Variants in ZNF608 observed in about 807,000 individuals in gnomAD.
ZNF608 encodes the protein renal carcinoma antigen NY-REN-36.
A neutral mutation model predicts 109.0 loss-of-function variants in ZNF608; 12 were observed. The ratio of observed to expected loss-of-function variants is 0.11; its 90% CI spans 0.07 to 0.18. The LOEUF (loss-of-function observed/expected upper bound fraction) is 0.18, where lower values mean the gene tolerates loss of function less well. Among genes scored for constraint, ZNF608 ranks in the 10% least tolerant of loss-of-function variants. The pLI is 1.00. For synonymous variants in ZNF608, 732 were observed against 717.4 expected, an observed-to-expected ratio of 1.02 and a Z score of -0.33; for missense variants, 1,707 against 1,879.3, an observed-to-expected ratio of 0.91 and a Z score of 1.70.
intron 3 of ZNF608, among the ~76,000 whole-genome samples, chr5:124,669,298 C>T (rs886557787): frequency 1.6e-4 from 25 of 152,136 alleles, no homozygotes; most frequent in African/African-American, 5.8e-4. Flanking sequence ...TTCATTTTAT[C>T]ACAAGGCTTA....
intron 2 of ZNF608, among the ~76,000 whole-genome samples, chr5:124,724,788 G>T (rs1754073510): frequency 6.6e-6 from 1 of 152,014 alleles, no homozygotes; most frequent in Non-Finnish European, 1.5e-5. Context: ...AATTCACACG[G>T]GGTAACATCA....
chr5:124,707,386 C>G (rs2149859646), intron 2 of ZNF608, among the ~76,000 whole-genome samples: 1 of 152,278 alleles, frequency 6.6e-6, no homozygotes, highest in African/African-American at 2.4e-5. Flanking sequence ...GGTCTAAACC[C>G]TGACAGGGAA....
chr5:124,690,943 ACACAC>A (rs746764200), intron 3 of ZNF608, among the ~76,000 whole-genome samples: 1 of 113,012 alleles, frequency 8.8e-6, no homozygotes, highest in African/African-American at 3.0e-5. Flanking sequence ...ACACACACAC[ACACAC>A]ACACACATAA....
At chr5:124,693,048 T>G (rs1011199767) in intron 3 of ZNF608, among the ~76,000 whole-genome samples, 14 of 152,106 alleles carry the variant, frequency 9.2e-5, no homozygotes, top group Non-Finnish European at 1.5e-5. Flanking sequence ...TCCTCTAGGG[T>G]GATAAAAAAT....
At chr5:124,650,998 C>T (rs1167941339) in intron 3 of ZNF608, among the ~76,000 whole-genome samples, 1 of 152,178 alleles carries the variant, frequency 6.6e-6, no homozygotes, top group Non-Finnish European at 1.5e-5. Context: ...TTTCCAAAGT[C>T]TCAAAAGGAG....
At chr5:124,660,193 T>A (rs4532360) in intron 3 of ZNF608, among the ~76,000 whole-genome samples, 46,831 of 128,608 alleles carry the variant, frequency 0.36, 7,956 homozygotes, top group East Asian at 0.47. Context: ...TGTGTGTGTG[T>A]GAGAGAGAGA....
chr5:124,650,567 C>T (rs1423853695), intron 3 of ZNF608, among the ~76,000 whole-genome samples: 2 of 152,206 alleles, frequency 1.3e-5, no homozygotes, highest in Non-Finnish European at 2.9e-5. Flanking sequence ...AATTACTAAA[C>T]TTAAGTGTGC....
chr5:124,705,332 G>A (rs909323173), intron 2 of ZNF608, among the ~76,000 whole-genome samples: 2 of 152,196 alleles, frequency 1.3e-5, no homozygotes, highest in Non-Finnish European at 2.9e-5. Flanking sequence ...GACCCTGTCA[G>A]TACTTGCTGT....
chr5:124,731,135 A>G (rs1254299751), intron 2 of ZNF608, among the ~76,000 whole-genome samples: 4 of 152,242 alleles, frequency 2.6e-5, no homozygotes, highest in Non-Finnish European at 5.9e-5. Flanking sequence ...TACTGGTAAG[A>G]CATGATTTTT....
intron 3 of ZNF608, among the ~76,000 whole-genome samples, chr5:124,654,999 T>A (rs926520275): frequency 2.0e-5 from 3 of 152,174 alleles, no homozygotes; most frequent in Admixed American, 6.5e-5. Flanking sequence ...AGGAGCAGTG[T>A]CTGCACCCAC....
intron 2 of ZNF608, among the ~76,000 whole-genome samples, chr5:124,730,767 C>T (rs998934226): frequency 6.6e-6 from 1 of 152,064 alleles, no homozygotes; most frequent in Admixed American, 6.5e-5. Flanking sequence ...GAGACAAGAA[C>T]TCTTGTTAAT....
intron 2 of ZNF608, among the ~76,000 whole-genome samples, chr5:124,728,500 C>G (rs930480529): frequency 6.6e-6 from 1 of 152,124 alleles, no homozygotes; most frequent in African/African-American, 2.4e-5. Context: ...CAGGAAGCAC[C>G]TTCTCTTGAC....
rs1554086973 is a variant in ZNF608 at position 124,683,037 on chromosome 5, T to C, written c.1162+17977A>G. ...CTGTCTCTCTCTCTCTCTCTCTCTC[T>C]CCCCCTCTCTATCTGATCTTGCTGG... On this transcript the variant is annotated intron_variant, in intron 3 of 9. Coordinates refer to ENST00000513986, the MANE Select transcript of ZNF608 (RefSeq NM_020747.3). Among the ~76,000 whole-genome samples the C allele has an allele frequency of 2.1e-5, 3 of 141,506 alleles. No homozygotes were observed. The East Asian group carries it at 6.2e-4, about 29-fold the overall frequency. The allele number at this position is 141,506 out of a possible 152,430, so 92.8% of individuals were successfully genotyped here.
At chr5:124,721,745 G>A (rs1223344546) in intron 2 of ZNF608, among the ~76,000 whole-genome samples, 1 of 151,552 alleles carries the variant, frequency 6.6e-6, no homozygotes, top group Non-Finnish European at 1.5e-5. Context: ...AGACCAGCCT[G>A]GCCAACATGG....
intron 3 of ZNF608, among the ~76,000 whole-genome samples, chr5:124,677,114 A>C (rs1751978799): frequency 6.6e-6 from 1 of 152,200 alleles, no homozygotes. Context: ...GTTTAATAAG[A>C]CAAGATTTTA....
At chr5:124,703,246 G>A (rs1034650732) in intron 2 of ZNF608, among the ~76,000 whole-genome samples, 1 of 152,108 alleles carries the variant, frequency 6.6e-6, no homozygotes, top group African/African-American at 2.4e-5. Context: ...TTAATACCAA[G>A]AGAACAAACG....
intron 3 of ZNF608, among the ~76,000 whole-genome samples, chr5:124,667,288 T>A (rs1307080220): frequency 2.0e-5 from 3 of 152,184 alleles, no homozygotes; most frequent in Non-Finnish European, 4.4e-5. Flanking sequence ...ACAAAGCATT[T>A]ATACATAAAG....
In ZNF608 at chr5:124,646,799, G is replaced by C. The variant is rs754289207; in HGVS notation, c.3585C>G (p.Ala1195=). Residue 1195 remains alanine, a synonymous_variant, in exon 5 of 10, where the codon GCC becomes GCG. Transcript: ENST00000513986. The part of the protein sequence containing the change: ...LLSNHQQQLQ[A]DSFKAKQMEN... Reference sequence around the variant, plus strand: ...CCATCTGCTTAGCTTTGAAGCTGTCGGCCTGAAGCTGCTGCTGGTGATTGG... The same window carrying C: ...CCATCTGCTTAGCTTTGAAGCTGTCCGCCTGAAGCTGCTGCTGGTGATTGG... The C allele has an allele frequency of 6.2e-7, 1 of 1,614,184 alleles. No homozygotes were observed. The highest frequency in any genetic ancestry group is 8.5e-7 in the Non-Finnish European group (1 of 1,180,048).
chr5:124,662,159 A>G (rs542251973), intron 3 of ZNF608, among the ~76,000 whole-genome samples: 2 of 152,374 alleles, frequency 1.3e-5, no homozygotes, highest in African/African-American at 4.8e-5. Flanking sequence ...ATACTTCATG[A>G]TGACTTAAAT....
Sources: gnomAD v4.1 joint callset for allele counts (sites outside exome capture counted in the v4.1 genomes callset) on GRCh38, gnomAD v4.1.1 for gene constraint, MANE v1.5 for transcripts, NCBI Gene and HGNC (gene_info 2026-07-23, HGNC 2026-07-21) for gene names.